The following DNAAF9 variants were observed in gnomAD, a reference collection of about 807,000 sequenced individuals.
DNAAF9 encodes dynein axonemal assembly factor 9.
In DNAAF9, 90 loss-of-function variants were observed where a neutral mutation model predicts 167.0. The ratio of observed to expected loss-of-function variants is 0.54; its 90% CI spans 0.45 to 0.64. The LOEUF is 0.64. Among genes scored for constraint, DNAAF9 ranks in the 30% least tolerant of loss-of-function variants. DNAAF9 has a pLI of 0.00. For synonymous variants in DNAAF9, 491 were observed against 508.8 expected, an observed-to-expected ratio of 0.96 and a Z score of 0.47; for missense variants, 1,315 against 1,442.2, an observed-to-expected ratio of 0.91 and a Z score of 1.43.
At chr20:3,256,292 G>C (rs1036571188) in intron 33 of DNAAF9, 81 bp from the exon 34 acceptor site, 4 of 1,004,022 alleles carry the variant, frequency 4.0e-6, no homozygotes, top group African/African-American at 1.6e-5. Flanking sequence ...AATGCAGATG[G>C]TTGGGATAGA....
intron 1 of DNAAF9, among the ~76,000 whole-genome samples, chr20:3,392,034 C>T (rs1234933732): frequency 6.6e-6 from 1 of 152,104 alleles, no homozygotes; most frequent in Non-Finnish European, 1.5e-5. Flanking sequence ...ATTAGCCAGG[C>T]ATGATGGTGT....
At chr20:3,368,812 C>A (rs1448147664) in intron 6 of DNAAF9, among the ~76,000 whole-genome samples, 2 of 151,966 alleles carry the variant, frequency 1.3e-5, no homozygotes, top group African/African-American at 2.4e-5. Flanking sequence ...GCCACTGCGC[C>A]CGGCCATCCT....
intron 6 of DNAAF9, among the ~76,000 whole-genome samples, chr20:3,365,928 G>A (rs756873137): frequency 2.0e-5 from 3 of 152,284 alleles, no homozygotes; most frequent in Non-Finnish European, 4.4e-5. Flanking sequence ...ATTGCAGCAA[G>A]TCAGTCACAT....
chr20:3,377,742 G>C (rs1035370550), intron 3 of DNAAF9, among the ~76,000 whole-genome samples: 3 of 152,094 alleles, frequency 2.0e-5, no homozygotes, highest in African/African-American at 7.2e-5. Flanking sequence ...ATAGGTGTGA[G>C]CCACTGCACC....
At chr20:3,385,306 G>A (rs1279980327) in intron 1 of DNAAF9, among the ~76,000 whole-genome samples, 1 of 152,112 alleles carries the variant, frequency 6.6e-6, no homozygotes, top group Admixed American at 6.6e-5. Context: ...TGTCCTATTT[G>A]TAGATGACAT....
chr20:3,356,711 C>A (rs1417551064), intron 7 of DNAAF9, among the ~76,000 whole-genome samples: 1 of 152,014 alleles, frequency 6.6e-6, no homozygotes, highest in African/African-American at 2.4e-5. Flanking sequence ...ATTTCAGGAC[C>A]CACACATAAA....
intron 17 of DNAAF9, among the ~76,000 whole-genome samples, chr20:3,317,371 A>C (rs1452952973): frequency 6.6e-6 from 1 of 151,176 alleles, no homozygotes; most frequent in African/African-American, 2.4e-5. Context: ...AAAAAAAAAA[A>C]AAAAAAAAAA....
At chr20:3,348,405 C>G in intron 8 of DNAAF9, 120 bp downstream of exon 8, 1 of 536,890 alleles carries the variant, frequency 1.9e-6, no homozygotes. Flanking sequence ...TACAACACAG[C>G]TTAAAGAAAT....
rs183313964 is a variant in DNAAF9, at chr20:3,291,231, T to C, written c.2239-1014A>G. 6.0e-4 allele frequency among the ~76,000 whole-genome samples: 91 copies of C among 152,190 alleles called. 2 individuals are homozygous for C. In the East Asian group the frequency reaches 0.016, roughly 27 times the overall value. On this transcript the variant is annotated intron_variant, in intron 25 of 36. Coordinates refer to ENST00000252032, the MANE Select transcript of DNAAF9 (RefSeq NM_001009984.3). ...TTCAGGTAGATATTCCAAAGCAACT[T>C]AATAAATTCACTGAAAAAGGAGGCA...
At chr20:3,338,107 CACACATACATAAAGA>C (rs2070001217) in intron 10 of DNAAF9, among the ~76,000 whole-genome samples, 1 of 150,310 alleles carries the variant, frequency 6.7e-6, no homozygotes, top group African/African-American at 2.4e-5. Context: ...TACATACACA[CACACATACATAAAGA>C]ACACTTAACA....
intron 31 of DNAAF9, among the ~76,000 whole-genome samples, chr20:3,261,374 A>T (rs2068384077): frequency 6.7e-6 from 1 of 150,182 alleles, no homozygotes; most frequent in South Asian, 2.1e-4. Flanking sequence ...AATTAATTTT[A>T]TTTTATTTTT....
intron 9 of DNAAF9, among the ~76,000 whole-genome samples, chr20:3,342,393 T>C (rs1171218489): frequency 6.6e-6 from 1 of 152,202 alleles, no homozygotes; most frequent in East Asian, 1.9e-4. Context: ...TGTTAAGATG[T>C]TTGATTAATG....
At chr20:3,388,069 A>G (rs1266485237) in intron 1 of DNAAF9, among the ~76,000 whole-genome samples, 1 of 144,458 alleles carries the variant, frequency 6.9e-6, no homozygotes, top group Non-Finnish European at 1.5e-5. Context: ...CTCTGTCTCA[A>G]AAAAAAAAAA....
Position 3,334,679 on chromosome 20 carries a change from A to G in DNAAF9, c.982-2318T>C, listed in dbSNP as rs374737463. Among the ~76,000 whole-genome samples the G allele has an allele frequency of 2.2e-4, 34 of 152,322 alleles. 1 individual carries two copies. In the South Asian group the frequency reaches 6.6e-3, roughly 30 times the overall value. ...TTTGCATTCCCACCGGCAATAAATCAGAGTTCCTGTTGCTCCATATCCTCA... is the reference window on the plus strand; with the variant it reads ...TTTGCATTCCCACCGGCAATAAATCGGAGTTCCTGTTGCTCCATATCCTCA... On this transcript the variant is annotated intron_variant, in intron 10 of 36. Coordinates refer to ENST00000252032, the MANE Select transcript of DNAAF9 (RefSeq NM_001009984.3).
intron 29 of DNAAF9, among the ~76,000 whole-genome samples, chr20:3,274,211 C>G (rs1007869802): frequency 2.0e-5 from 3 of 150,822 alleles, no homozygotes; most frequent in Non-Finnish European, 4.4e-5. Flanking sequence ...GGTGTGATCT[C>G]GGCTGGTTGC....
intron 20 of DNAAF9, among the ~76,000 whole-genome samples, chr20:3,310,333 AAAAGAAAG>A (rs376196616): frequency 0.011 from 1,139 of 106,168 alleles, 8 homozygotes; most frequent in Middle Eastern, 0.02. Context: ...AAGAGAAAGA[AAAAGAAAG>A]AAAGAAAGAA....
At chr20:3,301,178 C>CTTTTT (rs11469332) in intron 21 of DNAAF9, among the ~76,000 whole-genome samples, 13 of 125,134 alleles carry the variant, frequency 1.0e-4, no homozygotes, top group African/African-American at 9.0e-5. Flanking sequence ...TCATGCTTGG[C>CTTTTT]TTTTTTTTTT....
At chr20:3,265,245 G>A (rs1008075349) in intron 30 of DNAAF9, among the ~76,000 whole-genome samples, 5 of 152,024 alleles carry the variant, frequency 3.3e-5, no homozygotes, top group Non-Finnish European at 7.4e-5. Flanking sequence ...CCTTTTTGGT[G>A]GGGGAGGGTC....
intron 1 of DNAAF9, among the ~76,000 whole-genome samples, chr20:3,391,573 T>C (rs1284713978): frequency 5.3e-5 from 7 of 132,250 alleles, no homozygotes; most frequent in Admixed American, 4.2e-4. Context: ...CAGTCTTTTT[T>C]CCTTCTTTTT....
Sources: allele counts gnomAD v4.1 joint callset (sites outside exome capture counted in the v4.1 genomes callset), GRCh38; gene constraint gnomAD v4.1.1; transcripts MANE v1.5; gene names NCBI Gene and HGNC (gene_info 2026-07-23, HGNC 2026-07-21).